Variants in MYO1B observed in about 807,000 individuals in gnomAD.
MYO1B encodes the protein myosin IB.
A neutral mutation model predicts 159.7 loss-of-function variants in MYO1B; 72 were observed. The ratio of observed to expected loss-of-function variants is 0.45; its 90% CI spans 0.37 to 0.55. The LOEUF is 0.55. Ranked by LOEUF, MYO1B falls within the 20% of genes least tolerant of loss-of-function variation. The pLI is 0.00. For missense variants in MYO1B, 1,062 were observed against 1,364.8 expected (o/e 0.78, Z 3.50); for synonymous variants, 468 against 473.8 (o/e 0.99, Z 0.16).
chr2:191,271,726 C>CT (rs1334275426), intron 1 of MYO1B, among the ~76,000 whole-genome samples: 4 of 152,170 alleles, frequency 2.6e-5, no homozygotes, highest in Non-Finnish European at 4.4e-5. Flanking sequence ...TTTATTTTAA[C>CT]TTATCATCCA....
At chr2:191,327,189 G>A (rs945476683) in intron 3 of MYO1B, among the ~76,000 whole-genome samples, 1 of 152,080 alleles carries the variant, frequency 6.6e-6, no homozygotes, top group Non-Finnish European at 1.5e-5. Context: ...ACTCCAGTAG[G>A]GACTTTGCCA....
At chr2:191,333,943 C>T (rs1463707123) in intron 4 of MYO1B, among the ~76,000 whole-genome samples, 1 of 152,180 alleles carries the variant, frequency 6.6e-6, no homozygotes, top group Non-Finnish European at 1.5e-5. Flanking sequence ...TGTACTGATG[C>T]TGTATCTACG....
intron 5 of MYO1B, among the ~76,000 whole-genome samples, chr2:191,344,821 C>T (rs868464404): frequency 5.7e-5 from 7 of 123,598 alleles, no homozygotes; most frequent in Admixed American, 8.3e-5. Flanking sequence ...CAGAGCGAGA[C>T]TCCGTCTCAA....
intron 5 of MYO1B, among the ~76,000 whole-genome samples, chr2:191,344,310 A>C (rs979332231): frequency 6.6e-6 from 1 of 152,170 alleles, no homozygotes; most frequent in Non-Finnish European, 1.5e-5. Flanking sequence ...TGGACATGAG[A>C]TAAGAATGGG....
intron 3 of MYO1B, among the ~76,000 whole-genome samples, chr2:191,298,668 G>C (rs1454752): frequency 0.54 from 82,318 of 151,990 alleles, 23,120 homozygotes; most frequent in East Asian, 0.65. Context: ...AATAATAATA[G>C]TAATAATAAA....
chr2:191,329,805 GA>G, intron 3 of MYO1B, 129 bp from the exon 4 acceptor site: 1 of 631,454 alleles, frequency 1.6e-6, no homozygotes, highest in South Asian at 2.4e-5. Context: ...GAATTCAAAG[GA>G]AATAAAAGGT....
At chr2:191,383,975 G>T (rs1359013432) in intron 15 of MYO1B, among the ~76,000 whole-genome samples, 1 of 152,226 alleles carries the variant, frequency 6.6e-6, no homozygotes, top group Admixed American at 6.5e-5. Flanking sequence ...TGCAGCTGTA[G>T]CATTGATTCA....
At chr2:191,389,837 A>T (rs1695633518) in intron 17 of MYO1B, among the ~76,000 whole-genome samples, 1 of 152,220 alleles carries the variant, frequency 6.6e-6, no homozygotes, top group Non-Finnish European at 1.5e-5. Context: ...GTGTTACCCC[A>T]TCCAGACCAA....
intron 2 of MYO1B, 96 bp from the exon 3 acceptor site, chr2:191,296,015 T>C: frequency 3.6e-6 from 2 of 558,552 alleles, no homozygotes; most frequent in East Asian, 6.9e-5. Context: ...CTAGTGTTGA[T>C]TTTAAAAGGT....
intron 1 of MYO1B, among the ~76,000 whole-genome samples, chr2:191,268,172 A>C (rs1197329248): frequency 6.6e-6 from 1 of 152,228 alleles, no homozygotes; most frequent in East Asian, 1.9e-4. Flanking sequence ...GGTGGCTTAA[A>C]GAACAGACAT....
intron 2 of MYO1B, among the ~76,000 whole-genome samples, chr2:191,279,013 A>C (rs1687903862): frequency 6.6e-6 from 1 of 152,262 alleles, no homozygotes; most frequent in Admixed American, 6.5e-5. Context: ...GCCACTAAAA[A>C]TAAAACAATC....
chr2:191,347,813 G>A (rs1692663807), intron 6 of MYO1B, among the ~76,000 whole-genome samples: 1 of 152,166 alleles, frequency 6.6e-6, no homozygotes, highest in South Asian at 2.1e-4. Context: ...AGTTACTACT[G>A]TACCTAACAG....
chr2:191,383,684 C>G (rs535697479), intron 15 of MYO1B, among the ~76,000 whole-genome samples: 239 of 151,700 alleles, frequency 1.6e-3, no homozygotes, highest in African/African-American at 5.2e-3. Flanking sequence ...GGCCATATCA[C>G]AACACCCTTT....
chr2:191,346,351 A>G (rs1692563951), intron 6 of MYO1B, 69 bp downstream of exon 6: 1 of 1,032,642 alleles, frequency 9.7e-7, no homozygotes, highest in Admixed American at 3.6e-5. Flanking sequence ...CAACCAGTAG[A>G]TGTTTAATAT....
chr2:191,398,471 C>A (rs950018242), intron 21 of MYO1B, among the ~76,000 whole-genome samples: 81 of 142,150 alleles, frequency 5.7e-4, no homozygotes, highest in Non-Finnish European at 1.0e-3. Context: ...ACTTCCCAGA[C>A]GGGGTGGCTG....
chr2:191,379,107 G>T (rs1450173023), intron 13 of MYO1B, among the ~76,000 whole-genome samples: 3 of 152,162 alleles, frequency 2.0e-5, no homozygotes, highest in Non-Finnish European at 4.4e-5. Context: ...ACTGGATATG[G>T]GTCTTGATCC....
chr2:191,327,290 A>G (rs1691162428), intron 3 of MYO1B, among the ~76,000 whole-genome samples: 1 of 152,212 alleles, frequency 6.6e-6, no homozygotes, highest in African/African-American at 2.4e-5. Flanking sequence ...TGGCATAAAC[A>G]TGGCATAAAG....
chr2:191,365,178 A>G (rs1693928553), intron 11 of MYO1B, among the ~76,000 whole-genome samples: 1 of 152,192 alleles, frequency 6.6e-6, no homozygotes, highest in South Asian at 2.1e-4. Flanking sequence ...CCTTTGTGCT[A>G]TGGCTTACGC....
At chr2:191,340,321 G>A (rs1326767393) in intron 4 of MYO1B, among the ~76,000 whole-genome samples, 3 of 151,854 alleles carry the variant, frequency 2.0e-5, no homozygotes, top group African/African-American at 7.3e-5. Context: ...AATGAAAGTG[G>A]TTTCACTGCA....
Sources: allele counts gnomAD v4.1 joint callset (sites outside exome capture counted in the v4.1 genomes callset), GRCh38; gene constraint gnomAD v4.1.1; transcripts MANE v1.5; gene names NCBI Gene and HGNC (gene_info 2026-07-23, HGNC 2026-07-21).